The following DAPK1 variants were observed in gnomAD, a reference collection of about 807,000 sequenced individuals.
DAPK1 encodes the protein death-associated protein kinase 1.
A neutral mutation model predicts 144.9 loss-of-function variants in DAPK1; 56 were observed. That is an observed-to-expected ratio of 0.39 (90% CI 0.31 to 0.48). DAPK1 has a LOEUF of 0.48. Ranked by LOEUF, DAPK1 falls within the 20% of genes least tolerant of loss-of-function variation. The pLI is 0.95. For missense variants in DAPK1, 1,454 were observed against 1,875.4 expected, an observed-to-expected ratio of 0.78 and a Z score of 4.15; for synonymous variants, 690 against 749.0, an observed-to-expected ratio of 0.92 and a Z score of 1.29.
intron 2 of DAPK1, chr9:87,553,752 T>G (rs1193028228): frequency 6.6e-6 from 1 of 152,248 alleles, no homozygotes; most frequent in Non-Finnish European, 1.5e-5. Context: ...CGCCTGGGCC[T>G]CCCAAAGTGC....
chr9:87,582,749 T>G (rs747806569), intron 2 of DAPK1, among the ~76,000 whole-genome samples: 5 of 151,998 alleles, frequency 3.3e-5, no homozygotes, highest in African/African-American at 4.8e-5. Flanking sequence ...GAGACGGGGT[T>G]TCACCATCTT....
At chr9:87,529,785 A>C (rs550215737) in intron 2 of DAPK1, among the ~76,000 whole-genome samples, 1 of 152,330 alleles carries the variant, frequency 6.6e-6, no homozygotes, top group African/African-American at 2.4e-5. Context: ...AGGCTGGGAG[A>C]ATGCCAGGAG....
chr9:87,702,969 C>T (rs1467155546), intron 24 of DAPK1, 60 bp from the exon 25 acceptor site: 2 of 781,726 alleles, frequency 2.6e-6, no homozygotes, highest in Non-Finnish European at 4.6e-6. Flanking sequence ...TCCACTGTGG[C>T]TCTGCTCAGG....
chr9:87,504,483 G>T (rs755677392), intron 2 of DAPK1, among the ~76,000 whole-genome samples: 1 of 152,140 alleles, frequency 6.6e-6, no homozygotes, highest in Non-Finnish European at 1.5e-5. Context: ...GTGCTTATTG[G>T]TCGGGAAGCC....
chr9:87,648,991 C>T (rs746295576), intron 15 of DAPK1, 112 bp downstream of exon 15: 2 of 935,864 alleles, frequency 2.1e-6, no homozygotes, highest in Non-Finnish European at 3.4e-6. Flanking sequence ...TTTCTGTCTT[C>T]CCCTACAGAG....
intron 2 of DAPK1, among the ~76,000 whole-genome samples, chr9:87,566,614 A>G (rs1383492932): frequency 1.3e-5 from 2 of 152,238 alleles, no homozygotes; most frequent in Non-Finnish European, 2.9e-5. Flanking sequence ...AGGAGAATCA[A>G]TTTTGTAAGT....
At chr9:87,504,509 T>C (rs1824517157) in intron 2 of DAPK1, among the ~76,000 whole-genome samples, 1 of 152,130 alleles carries the variant, frequency 6.6e-6, no homozygotes, top group Non-Finnish European at 1.5e-5. Flanking sequence ...ACATGGAAGC[T>C]CACTTCTTGG....
intron 3 of DAPK1, among the ~76,000 whole-genome samples, chr9:87,634,084 G>A (rs1439634042): frequency 1.3e-5 from 2 of 152,232 alleles, no homozygotes; most frequent in Non-Finnish European, 2.9e-5. Context: ...GCCAAACCCA[G>A]GTTGCCACCT....
chr9:87,536,162 C>T (rs1423892242), intron 2 of DAPK1, among the ~76,000 whole-genome samples: 2 of 152,184 alleles, frequency 1.3e-5, no homozygotes, highest in Non-Finnish European at 2.9e-5. Context: ...GTCCTCAAAG[C>T]AGCCCCTTCC....
intron 13 of DAPK1, among the ~76,000 whole-genome samples, chr9:87,647,092 G>T (rs952182871): frequency 2.0e-5 from 3 of 152,198 alleles, no homozygotes; most frequent in Admixed American, 1.3e-4. Flanking sequence ...TCCATCATTC[G>T]CTTCACCCAG....
chr9:87,585,477 C>T (rs1038500995), intron 2 of DAPK1, among the ~76,000 whole-genome samples: 1 of 152,214 alleles, frequency 6.6e-6, no homozygotes. Context: ...TTAGTGCACA[C>T]AAATTACGAG....
chr9:87,643,105 G>A (rs1830151510), intron 10 of DAPK1, among the ~76,000 whole-genome samples: 2 of 152,148 alleles, frequency 1.3e-5, no homozygotes, highest in African/African-American at 4.8e-5. Context: ...GTCCAGCTCT[G>A]TAGTTCAATA....
At chr9:87,646,146 C>T (rs1338718773) in intron 12 of DAPK1, 132 bp downstream of exon 12, 1 of 1,130,574 alleles carries the variant, frequency 8.8e-7, no homozygotes, top group Non-Finnish European at 1.2e-6. Context: ...GGGAAAATCA[C>T]TTCTGTTTAG....
At chr9:87,581,967 C>T (rs10435954) in intron 2 of DAPK1, among the ~76,000 whole-genome samples, 71,906 of 152,050 alleles carry the variant, frequency 0.47, 18,199 homozygotes, top group East Asian at 0.74. Flanking sequence ...TCCTCACATA[C>T]AGAGTTTGGT....
At chr9:87,664,257 A>G (rs1830970864) in intron 18 of DAPK1, among the ~76,000 whole-genome samples, 1 of 151,772 alleles carries the variant, frequency 6.6e-6, no homozygotes, top group South Asian at 2.1e-4. Context: ...CGGCTCCCCC[A>G]TCATGGAGTT....
chr9:87,680,655 G>A (rs10117922), intron 19 of DAPK1, among the ~76,000 whole-genome samples: 87,928 of 150,870 alleles, frequency 0.58, 25,917 homozygotes, highest in East Asian at 0.73. Flanking sequence ...ACACACACGC[G>A]CACACACACA....
chr9:87,511,931 C>CA (rs1245931036), intron 2 of DAPK1, among the ~76,000 whole-genome samples: 1 of 152,154 alleles, frequency 6.6e-6, no homozygotes, highest in Non-Finnish European at 1.5e-5. Flanking sequence ...AGGCTGGTCT[C>CA]AAACTCCTGA....
At chr9:87,687,503 G>T (rs1335465408) in intron 21 of DAPK1, among the ~76,000 whole-genome samples, 1 of 152,152 alleles carries the variant, frequency 6.6e-6, no homozygotes, top group African/African-American at 2.4e-5. Flanking sequence ...ATAGTGTTCT[G>T]TTATGTGTAT....
chr9:87,528,465 G>A (rs546681013), intron 2 of DAPK1, among the ~76,000 whole-genome samples: 4 of 152,124 alleles, frequency 2.6e-5, no homozygotes, highest in East Asian at 1.9e-4. Flanking sequence ...TGATCCACCC[G>A]CCTCGGCCTC....
Sources: gnomAD v4.1 joint callset for allele counts (sites outside exome capture counted in the v4.1 genomes callset) on GRCh38, gnomAD v4.1.1 for gene constraint, MANE v1.5 for transcripts, NCBI Gene and HGNC (gene_info 2026-07-23, HGNC 2026-07-21) for gene names.